NYAP2: variants seen among roughly 807,000 people sequenced by gnomAD.
NYAP2 encodes neuronal tyrosine-phosphorylated phosphoinositide-3-kinase adapter 2.
In NYAP2, 23 loss-of-function variants were observed where a neutral mutation model predicts 50.4. The observed-to-expected ratio is 0.46, with a 90% CI of 0.33 to 0.65. The LOEUF is 0.65. NYAP2 is among the 30% of genes least tolerant of loss of function. The probability of loss-of-function intolerance (pLI) is 0.02; values close to 1 mark genes in which losing one functional copy is unlikely to be tolerated. For missense variants in NYAP2, 885 were observed against 861.0 expected (o/e 1.03, Z -0.35); for synonymous variants, 394 against 365.2 (o/e 1.08, Z -0.90).
intron 3 of NYAP2, among the ~76,000 whole-genome samples, chr2:225,452,130 G>A (rs1475161027): frequency 6.6e-6 from 1 of 152,174 alleles, no homozygotes; most frequent in Admixed American, 6.6e-5. Context: ...TGCTTCGTTT[G>A]CAATATGTTA....
chr2:225,662,079 A>T, the NYAP2 span, among the ~76,000 whole-genome samples: 1 of 152,150 alleles, frequency 6.6e-6, no homozygotes, highest in Non-Finnish European at 1.5e-5. Flanking sequence ...CATTTATTTA[A>T]TCACTCTTCA....
intron 3 of NYAP2, among the ~76,000 whole-genome samples, chr2:225,415,686 A>C (rs1298232434): frequency 4.6e-5 from 7 of 152,194 alleles, no homozygotes; most frequent in Admixed American, 1.3e-4. Flanking sequence ...CATGTAGAAA[A>C]GTGAGATACC....
chr2:225,651,834 T>G (rs1693738250), exon 7 of NYAP2: 1 of 359,352 alleles, frequency 2.8e-6, no homozygotes, highest in Non-Finnish European at 5.0e-6. Context: ...GTACTATATG[T>G]ATTGGCTTAG....
At chr2:225,421,873 A>T (rs1695220388) in intron 3 of NYAP2, among the ~76,000 whole-genome samples, 1 of 152,196 alleles carries the variant, frequency 6.6e-6, no homozygotes, top group South Asian at 2.1e-4. Flanking sequence ...ATCCCATGAC[A>T]CTTTACAACC....
intron 4 of NYAP2, among the ~76,000 whole-genome samples, chr2:225,540,384 G>T (rs1691437884): frequency 1.3e-5 from 2 of 152,142 alleles, no homozygotes; most frequent in South Asian, 4.1e-4. Context: ...CACATGTCTG[G>T]GCAGGCCTCA....
At chr2:225,688,299 C>A in the NYAP2 span, among the ~76,000 whole-genome samples, 1 of 152,104 alleles carries the variant, frequency 6.6e-6, no homozygotes, top group African/African-American at 2.4e-5. Flanking sequence ...TTGTTGGATT[C>A]AGTTGAGCCA....
chr2:225,568,837 G>T (rs565009660), intron 4 of NYAP2, among the ~76,000 whole-genome samples: 2 of 152,284 alleles, frequency 1.3e-5, no homozygotes, highest in African/African-American at 4.8e-5. Context: ...GTGACACAAA[G>T]AAGTCAGCAT....
chr2:225,502,263 G>A (rs1049213577), intron 3 of NYAP2, among the ~76,000 whole-genome samples: 2 of 147,954 alleles, frequency 1.4e-5, no homozygotes, highest in African/African-American at 5.3e-5. Context: ...ATGGAGAGAA[G>A]GGGATTAAGC....
intron 6 of NYAP2, among the ~76,000 whole-genome samples, chr2:225,638,577 G>C (rs1213507497): frequency 6.6e-6 from 1 of 152,110 alleles, no homozygotes; most frequent in Non-Finnish European, 1.5e-5. Flanking sequence ...CGTGTTTCAA[G>C]GTGCCCTACA....
rs71062993 is a variant in NYAP2, at chr2:225,589,516, AATAT to A, written c.1618+6504_1618+6507del. Reference sequence around the variant, plus strand: ...AAGACTATATCTCTACTAAAAGTAAAATATATATATATATATATATATATATTTA... The same window carrying A: ...AAGACTATATCTCTACTAAAAGTAAAATATATATATATATATATATATTTA... On this transcript the variant is annotated intron_variant, in intron 5 of 6. Transcript: ENST00000636099. Among the ~76,000 whole-genome samples, 51 of 71,342 alleles carry A rather than the reference AATAT, an allele frequency of 7.1e-4. 1 individual carries two copies. Among genetic ancestry groups the A allele is most frequent in the Non-Finnish European group, 1.1e-3 (42 of 37,062 alleles). 46.8% of individuals were successfully genotyped at this position (71,342 alleles called of 152,430 possible).
chr2:225,626,968 A>G, exon 6 of NYAP2: 1 of 1,586,696 alleles, frequency 6.3e-7, no homozygotes, highest in Non-Finnish European at 8.6e-7. Context: ...CCATTACCAA[A>G]GTTGGACAAC....
At chr2:225,509,322 C>T (rs1490325675) in intron 3 of NYAP2, among the ~76,000 whole-genome samples, 3 of 152,210 alleles carry the variant, frequency 2.0e-5, no homozygotes, top group Admixed American at 1.3e-4. Flanking sequence ...ACACATACTT[C>T]TCTCTGCCCC....
chr2:225,413,112 A>AT (rs1559173376), intron 3 of NYAP2, among the ~76,000 whole-genome samples: 1 of 151,968 alleles, frequency 6.6e-6, no homozygotes, highest in Non-Finnish European at 1.5e-5. Context: ...CCCCCAACAT[A>AT]TTTTTCTAGA....
At chr2:225,616,818 A>C (rs1692999809) in intron 5 of NYAP2, among the ~76,000 whole-genome samples, 1 of 152,098 alleles carries the variant, frequency 6.6e-6, no homozygotes, top group Admixed American at 6.5e-5. Context: ...TCAGTCCTAA[A>C]ATTTGATGAC....
At chr2:225,556,755 A>G (rs898004471) in intron 4 of NYAP2, among the ~76,000 whole-genome samples, 3 of 152,110 alleles carry the variant, frequency 2.0e-5, no homozygotes, top group Admixed American at 1.3e-4. Context: ...ATTTTAATGG[A>G]TTTTTAACCA....
intron 5 of NYAP2, among the ~76,000 whole-genome samples, chr2:225,622,605 A>T (rs1693139699): frequency 7.5e-6 from 1 of 133,300 alleles, no homozygotes; most frequent in African/African-American, 2.9e-5. Context: ...TTTTAGACAA[A>T]GTCTCGCCCT....
intron 4 of NYAP2, among the ~76,000 whole-genome samples, chr2:225,546,561 G>A (rs1691588557): frequency 6.6e-6 from 1 of 152,016 alleles, no homozygotes; most frequent in South Asian, 2.1e-4. Context: ...ATGTTGCTAG[G>A]CCTTGGATTT....
chr2:225,579,858 G>A (rs1400023897), intron 4 of NYAP2, among the ~76,000 whole-genome samples: 1 of 152,188 alleles, frequency 6.6e-6, no homozygotes, highest in Non-Finnish European at 1.5e-5. Flanking sequence ...AAGGGTCAAA[G>A]ATAATGAAAG....
At chr2:225,691,680 A>C in the NYAP2 span, among the ~76,000 whole-genome samples, 1 of 152,138 alleles carries the variant, frequency 6.6e-6, no homozygotes, top group Non-Finnish European at 1.5e-5. Context: ...AGACAGGACA[A>C]GCACAGTTGC....
Sources: gnomAD v4.1 joint callset for allele counts (sites outside exome capture counted in the v4.1 genomes callset) on GRCh38, gnomAD v4.1.1 for gene constraint, MANE v1.5 for transcripts, NCBI Gene and HGNC (gene_info 2026-07-23, HGNC 2026-07-21) for gene names.